MALRD1: variants seen among roughly 807,000 people sequenced by gnomAD.
MALRD1 encodes MAM and LDL receptor class A domain containing 1, also known as MAM and LDL-receptor class A domain-containing protein 1.
A neutral mutation model predicts 242.1 loss-of-function variants in MALRD1; 247 were observed. The observed-to-expected ratio is 1.02, with a 90% CI of 0.92 to 1.13. The LOEUF (loss-of-function observed/expected upper bound fraction) is 1.13. MALRD1 is among the 50% of genes most tolerant of loss of function. MALRD1 has a pLI of 0.00. For missense variants in MALRD1, 2,989 were observed against 2,533.1 expected, an observed-to-expected ratio of 1.18 and a Z score of -3.86; for synonymous variants, 995 against 866.6, an observed-to-expected ratio of 1.15 and a Z score of -2.60.
Position 19,066,794 on chromosome 10 carries a change from G to A in MALRD1, c.275G>A (p.Trp92Ter). The A allele has an allele frequency of 8.1e-7, 1 of 1,233,610 alleles. No individual in the cohort carries two copies. The highest frequency in any genetic ancestry group is 1.0e-6 in the Non-Finnish European group (1 of 987,964). 76.4% of individuals were successfully genotyped at this position (1,233,610 alleles called of 1,614,324 possible). The change falls in exon 2 of 40, where the codon TGG becomes TAG. Residue 92 changes from tryptophan to a stop codon, truncating the protein, a stop_gained. Coordinates refer to ENST00000454679, the MANE Select transcript of MALRD1 (RefSeq NM_001142308.3). LOFTEE classifies it high-confidence loss of function. ...CAAGATCAGAGTCTGCAACCTAGTTGGACAAAGAGAAGTGGGATGATTGGT... is the reference window on the plus strand; with the variant it reads ...CAAGATCAGAGTCTGCAACCTAGTTAGACAAAGAGAAGTGGGATGATTGGT... ...MTQDQSLQPS[W>*]TKRSGMIGLS...
chr10:19,141,297 GT>G (rs927902859), intron 10 of MALRD1, among the ~76,000 whole-genome samples: 1 of 152,126 alleles, frequency 6.6e-6, no homozygotes, highest in African/African-American at 2.4e-5. Flanking sequence ...GACACATATT[GT>G]TTGGTCCCAG....
rs1232530356 is a variant in MALRD1 at position 19,352,138 on chromosome 10, C to T, written c.4282C>T (p.Leu1428=). The T allele has an allele frequency of 2.6e-6, 4 of 1,550,568 alleles. No individual in the cohort carries two copies. The highest frequency in any genetic ancestry group is 3.5e-6 in the Non-Finnish European group (4 of 1,146,944). ...EQGNFWRREE[L]SLFGDEDFQL... ...AGGCAATTTCTGGCGGAGAGAAGAACTGTCACTGTTTGGTGATGAAGACTT... is the reference window on the plus strand; with the variant it reads ...AGGCAATTTCTGGCGGAGAGAAGAATTGTCACTGTTTGGTGATGAAGACTT... The change falls in exon 26 of 40, where the codon CTG becomes TTG. Residue 1428 remains leucine (L), a synonymous_variant. Coordinates refer to ENST00000454679, the MANE Select transcript of MALRD1 (RefSeq NM_001142308.3).
At chr10:19,569,206 A>T (rs1162701926) in intron 33 of MALRD1, among the ~76,000 whole-genome samples, 2 of 152,060 alleles carry the variant, frequency 1.3e-5, no homozygotes, top group Admixed American at 1.3e-4. Flanking sequence ...GGTCATGCTA[A>T]TGGGGACCAC....
At chr10:19,167,707 A>T (rs530209674) in intron 13 of MALRD1, among the ~76,000 whole-genome samples, 1 of 152,270 alleles carries the variant, frequency 6.6e-6, no homozygotes, top group East Asian at 1.9e-4. Context: ...TCCTGAGGAC[A>T]GGCTGGCTCC....
chr10:19,048,836 A>T lies in MALRD1; in HGVS notation c.-103A>T. The T allele has an allele frequency of 1.1e-6, 1 of 917,268 alleles. No individual in the cohort carries two copies. Among genetic ancestry groups the T allele is most frequent in the African/African-American group, 1.7e-5 (1 of 58,456 alleles). 56.8% of individuals were successfully genotyped at this position (917,268 alleles called of 1,614,324 possible). ...ATAGTTACCAATAGTATCCAGTTAT[A>T]AGAAGCAAATCTGGGAAAGGAAGAA... On this transcript the variant is annotated 5_prime_UTR_variant, in exon 1 of 40. Coordinates refer to ENST00000454679, the MANE Select transcript of MALRD1 (RefSeq NM_001142308.3).
chr10:19,201,359 A>G (rs1221477864), intron 14 of MALRD1, among the ~76,000 whole-genome samples: 2 of 152,202 alleles, frequency 1.3e-5, no homozygotes, highest in African/African-American at 4.8e-5. Flanking sequence ...GAAGAGTCTT[A>G]TCTAAGAGGA....
At chr10:19,251,591 A>G (rs1409097342) in intron 18 of MALRD1, among the ~76,000 whole-genome samples, 2 of 151,944 alleles carry the variant, frequency 1.3e-5, no homozygotes, top group African/African-American at 2.4e-5. Context: ...TATATATGAA[A>G]TAGTGGCAAA....
intron 21 of MALRD1, among the ~76,000 whole-genome samples, chr10:19,316,829 A>G (rs908878846): frequency 1.3e-5 from 2 of 151,882 alleles, no homozygotes; most frequent in African/African-American, 4.8e-5. Flanking sequence ...GTACAAAAAA[A>G]TAGAATGATT....
chr10:19,484,940 A>G (rs529033163), intron 29 of MALRD1, among the ~76,000 whole-genome samples: 9 of 152,168 alleles, frequency 5.9e-5, no homozygotes, highest in African/African-American at 2.2e-4. Flanking sequence ...TCAGCAACCC[A>G]TGAGTGGATA....
intron 7 of MALRD1, among the ~76,000 whole-genome samples, chr10:19,126,595 A>C (rs1170110851): frequency 6.6e-6 from 1 of 152,096 alleles, no homozygotes; most frequent in African/African-American, 2.4e-5. Flanking sequence ...TTTTAATAGA[A>C]TGTATTAGAA....
At chr10:19,718,731 T>C (rs1051758745) in intron 38 of MALRD1, among the ~76,000 whole-genome samples, 18 of 152,194 alleles carry the variant, frequency 1.2e-4, no homozygotes, top group African/African-American at 4.3e-4. Context: ...ATTTAACCAT[T>C]CTCCTATTAT....
chr10:19,627,120 A>AT (rs1189302252), intron 36 of MALRD1, among the ~76,000 whole-genome samples: 1 of 152,162 alleles, frequency 6.6e-6, no homozygotes, highest in African/African-American at 2.4e-5. Flanking sequence ...GGAATATGTA[A>AT]TAATTGATAT....
intron 36 of MALRD1, among the ~76,000 whole-genome samples, chr10:19,640,437 A>T (rs1340925008): frequency 6.6e-6 from 1 of 152,182 alleles, no homozygotes; most frequent in African/African-American, 2.4e-5. Flanking sequence ...TCCCATTGCA[A>T]CATCCAAAGG....
intron 18 of MALRD1, among the ~76,000 whole-genome samples, chr10:19,249,872 A>AT (rs1491155358): frequency 2.0e-4 from 28 of 137,074 alleles, no homozygotes; most frequent in Middle Eastern, 8.0e-3. Context: ...TAAATCGATC[A>AT]TTTTTTTTTA....
At chr10:19,604,502 T>A (rs1332269132) in intron 34 of MALRD1, among the ~76,000 whole-genome samples, 4 of 152,164 alleles carry the variant, frequency 2.6e-5, no homozygotes, top group Non-Finnish European at 5.9e-5. Flanking sequence ...GAGGTTGGTT[T>A]ATGAAGTTGA....
intron 21 of MALRD1, among the ~76,000 whole-genome samples, chr10:19,303,256 G>A (rs900751384): frequency 1.8e-4 from 27 of 151,608 alleles, no homozygotes; most frequent in African/African-American, 6.3e-4. Context: ...AAATATCTGA[G>A]AAAATAGACA....
chr10:19,603,582 T>C (rs145725782), intron 34 of MALRD1, among the ~76,000 whole-genome samples: 1,961 of 152,288 alleles, frequency 0.013, 18 homozygotes, highest in Admixed American at 0.017. Context: ...TACTATGCTG[T>C]TTTGGTTACT....
chr10:19,701,182 G>A (rs988534258), intron 38 of MALRD1, among the ~76,000 whole-genome samples: 1 of 151,986 alleles, frequency 6.6e-6, no homozygotes, highest in Non-Finnish European at 1.5e-5. Flanking sequence ...TAAAAAGAGA[G>A]AAAGAGAGAG....
intron 28 of MALRD1, among the ~76,000 whole-genome samples, chr10:19,424,476 T>C (rs1336688576): frequency 6.6e-6 from 1 of 152,202 alleles, no homozygotes; most frequent in South Asian, 2.1e-4. Flanking sequence ...TATTCTTAAA[T>C]GTAACCTTAA....
Sources: allele counts gnomAD v4.1 joint callset (sites outside exome capture counted in the v4.1 genomes callset), GRCh38; gene constraint gnomAD v4.1.1; transcripts MANE v1.5; gene names NCBI Gene and HGNC (gene_info 2026-07-23, HGNC 2026-07-21).